CDS2: variants seen among roughly 807,000 people sequenced by gnomAD.
CDS2 encodes CDP-diacylglycerol synthase 2.
Under a neutral mutation model 59.0 loss-of-function variants are expected in CDS2, and 47 were observed. That is an observed-to-expected ratio of 0.80 (90% CI 0.63 to 1.02). CDS2 has a LOEUF of 1.02. CDS2 is among the 50% of genes least tolerant of loss of function. The probability of loss-of-function intolerance (pLI) is 0.00; values close to 1 mark genes in which losing one functional copy is unlikely to be tolerated. For synonymous variants in CDS2, 207 were observed against 206.4 expected (o/e 1.00, Z -0.02); for missense variants, 356 against 558.9 (o/e 0.64, Z 3.66).
intron 1 of CDS2, among the ~76,000 whole-genome samples, chr20:5,137,248 C>CT (rs11297837): frequency 0.031 from 4,351 of 141,548 alleles, 118 homozygotes; most frequent in South Asian, 0.07. Context: ...CATTTCTACC[C>CT]TTTTTTTTTT....
intron 1 of CDS2, among the ~76,000 whole-genome samples, chr20:5,155,271 C>T (rs745605688): frequency 2.6e-5 from 4 of 151,952 alleles, no homozygotes; most frequent in Non-Finnish European, 5.9e-5. Flanking sequence ...TTGTCTTTCC[C>T]GCACAAATGC....
At chr20:5,159,058 AT>A (rs963681754) in intron 1 of CDS2, among the ~76,000 whole-genome samples, 7 of 150,022 alleles carry the variant, frequency 4.7e-5, no homozygotes, top group South Asian at 2.1e-4. Context: ...ATCAGATTGA[AT>A]TTTTTTTTTG....
intron 9 of CDS2, among the ~76,000 whole-genome samples, chr20:5,186,465 G>C (rs918260721): frequency 6.6e-6 from 1 of 151,872 alleles, no homozygotes; most frequent in Non-Finnish European, 1.5e-5. Context: ...TTCGGGGCCT[G>C]GGTGTTTGGG....
chr20:5,173,751 A>G, intron 2 of CDS2, 92 bp downstream of exon 2: 1 of 1,470,584 alleles, frequency 6.8e-7, no homozygotes, highest in Non-Finnish European at 9.4e-7. Context: ...GTGGTCTTGC[A>G]GAGCAGGCCC....
chr20:5,197,590 A>C lies in CDS2; in HGVS notation c.*7356A>C, dbSNP rs2091168226. ...GGGTGTTGATATTCACTTTACCCGC[A>C]CTCAGACACAGGCGACCTTGAAGCA... On this transcript the variant is annotated 3_prime_UTR_variant, in exon 13 of 13. Coordinates refer to ENST00000460006, the MANE Select transcript of CDS2 (RefSeq NM_003818.4). 1 of 147,098 alleles carries C rather than the reference A, an allele frequency of 6.8e-6. No individual in the cohort carries two copies. Among genetic ancestry groups the C allele is most frequent in the African/African-American group, 2.5e-5 (1 of 39,654 alleles). 9.1% of individuals were successfully genotyped at this position (147,098 alleles called of 1,614,324 possible). A position where few individuals can be genotyped will look rare whatever the true frequency, so the allele number is the denominator to read the frequency against.
intron 2 of CDS2, 148 bp downstream of exon 2, chr20:5,173,807 A>T: frequency 1.1e-6 from 1 of 915,686 alleles, no homozygotes; most frequent in Non-Finnish European, 1.7e-6. Flanking sequence ...GGCTCCATTG[A>T]GTGTAATCTA....
In CDS2 at chr20:5,169,677, GAAAGA is replaced by G. The variant is rs757905421; in HGVS notation, c.58-3839_58-3835del. ...AATGCCCATTACAAAGCATACATGG[GAAAGA>G]AAAGAAGAATGAGGTAAGTAGAGAT... is the stretch of plus-strand genomic sequence containing the variant. On this transcript the variant is annotated intron_variant, in intron 1 of 12. Transcript: ENST00000460006. Among the ~76,000 whole-genome samples, 18 of 152,322 alleles carry G rather than the reference GAAAGA, an allele frequency of 1.2e-4. No homozygotes were observed. In the South Asian group the frequency reaches 3.3e-3, roughly 28 times the overall value.
At chr20:5,143,629 C>CTTTT (rs1156869112) in intron 1 of CDS2, among the ~76,000 whole-genome samples, 1 of 99,648 alleles carries the variant, frequency 1.0e-5, no homozygotes, top group Non-Finnish European at 2.0e-5. Context: ...TCTTCTTCTT[C>CTTTT]TTTTTTTTTT....
chr20:5,189,265 C>A, intron 11 of CDS2, 79 bp downstream of exon 11: 1 of 1,537,714 alleles, frequency 6.5e-7, no homozygotes, highest in Non-Finnish European at 9.0e-7. Flanking sequence ...CTGCCCCCTC[C>A]AAAATACTAG....
chr20:5,172,264 G>A (rs2123038084), intron 1 of CDS2, among the ~76,000 whole-genome samples: 1 of 152,324 alleles, frequency 6.6e-6, no homozygotes, highest in East Asian at 1.9e-4. Flanking sequence ...GCGCTGAGAG[G>A]GAGAAGGTTC....
chr20:5,130,783 G>A (rs910268294), intron 1 of CDS2, among the ~76,000 whole-genome samples: 5 of 142,944 alleles, frequency 3.5e-5, no homozygotes, highest in African/African-American at 5.2e-5. Flanking sequence ...GCCAAACAAC[G>A]TCTTAAAAGA....
chr20:5,161,799 T>C (rs2090878421), intron 1 of CDS2, among the ~76,000 whole-genome samples: 2 of 152,242 alleles, frequency 1.3e-5, no homozygotes, highest in African/African-American at 4.8e-5. Flanking sequence ...TCTGTTCATT[T>C]TATCGTCTTG....
In CDS2 at chr20:5,145,822, G is replaced by GGTTTTTTT. The variant is rs773575866; in HGVS notation, c.57+18673_57+18674insGTTTTTTT. Among the ~76,000 whole-genome samples the GGTTTTTTT allele has an allele frequency of 2.3e-3, 302 of 129,188 alleles. 6 individuals are homozygous for GGTTTTTTT. Among genetic ancestry groups the GGTTTTTTT allele is most frequent in the African/African-American group, 8.2e-3 (274 of 33,452 alleles). 84.8% of individuals were successfully genotyped at this position (129,188 alleles called of 152,430 possible). On this transcript the variant is annotated intron_variant, in intron 1 of 12. Transcript: ENST00000460006. ...CCAAGTTGTGTGTTTTGCTTTTTGT[G>GGTTTTTTT]TTTTTTTTTTTTTTTTTTTGAGACA...
chr20:5,190,151 G>C lies in CDS2; in HGVS notation c.1255G>C (p.Asp419His). 1 of 1,614,008 alleles carries C rather than the reference G, an allele frequency of 6.2e-7. No homozygotes were observed. The highest frequency in any genetic ancestry group is 8.5e-7 in the Non-Finnish European group (1 of 1,179,926). The change falls in exon 13 of 13, where the codon GAT (aspartate) becomes CAT (histidine). Residue 419 changes from aspartate to histidine, a missense_variant. Physicochemically the swap from Asp to His is moderately conservative, Grantham distance 81. Around this residue, in one of 5 missense-constraint regions of CDS2, gnomAD observed 41 missense variants for 104.4 expected, o/e 0.39. Transcript: ENST00000460006. ...LIQQFLTLRP[D>H]QQLHIFNTLR... is the part of the protein sequence containing the mutation. Reference sequence around the variant, plus strand: ...TCAGCAGTTCCTGACTTTACGGCCAGATCAGCAGCTCCACATCTTCAACAC... The same window carrying C: ...TCAGCAGTTCCTGACTTTACGGCCACATCAGCAGCTCCACATCTTCAACAC...
At position 5,192,977 on chromosome 20, in the gene CDS2, G is replaced by A. The variant is rs147533038; in HGVS notation, c.*2743G>A. 2 of 152,320 alleles carry A rather than the reference G, an allele frequency of 1.3e-5. No homozygotes were observed. The highest frequency in any genetic ancestry group is 2.1e-4 in the South Asian group (1 of 4,818). 9.4% of individuals were successfully genotyped at this position (152,320 alleles called of 1,614,324 possible). A position where few individuals can be genotyped will look rare whatever the true frequency, so the allele number is the denominator to read the frequency against. On this transcript the variant is annotated 3_prime_UTR_variant, in exon 13 of 13. Coordinates refer to ENST00000460006, the MANE Select transcript of CDS2 (RefSeq NM_003818.4). ...TTTGTGAACGTCGTGTGAGTACACC[G>A]AGGTGTTGCAGCTTTCCTTCCCTCT...
intron 1 of CDS2, among the ~76,000 whole-genome samples, chr20:5,171,655 T>C (rs1205291267): frequency 6.6e-6 from 1 of 152,232 alleles, no homozygotes; most frequent in African/African-American, 2.4e-5. Context: ...TCTGGAGACC[T>C]TACTGTGTTT....
chr20:5,155,228 A>G (rs1247393610), intron 1 of CDS2, among the ~76,000 whole-genome samples: 1 of 152,226 alleles, frequency 6.6e-6, no homozygotes, highest in Non-Finnish European at 1.5e-5. Context: ...GCTTTTAGTC[A>G]TTAGTTGCAT....
At position 5,190,228 on chromosome 20, in the gene CDS2, C is replaced by T. The variant is rs147360412; in HGVS notation, c.1332C>T (p.Asp444=). 1.1e-4 allele frequency: 175 copies of T among 1,613,418 alleles called. No homozygotes were observed. In the African/African-American group the frequency reaches 1.9e-3, roughly 18 times the overall value. The change falls in exon 13 of 13, where the codon GAC becomes GAT. Residue 444 remains aspartate (D), a synonymous_variant. Coordinates refer to ENST00000460006, the MANE Select transcript of CDS2 (RefSeq NM_003818.4). ...DKGMLTSTTE[D]E ...GGATGCTGACATCCACCACAGAGGA[C>T]GAGTAGGGGCCACCCAGGGCCAGGA...
intron 1 of CDS2, among the ~76,000 whole-genome samples, chr20:5,152,435 T>G (rs2090800168): frequency 6.6e-6 from 1 of 152,220 alleles, no homozygotes; most frequent in African/African-American, 2.4e-5. Context: ...CTCTTTGAAC[T>G]GGCATAAGAA....
Sources: gnomAD v4.1 joint callset for allele counts (sites outside exome capture counted in the v4.1 genomes callset) on GRCh38, gnomAD v4.1.1 for gene constraint, gnomAD v4.1.1 regional missense constraint, MANE v1.5 for transcripts, NCBI Gene and HGNC (gene_info 2026-07-23, HGNC 2026-07-21) for gene names.